Variants in MOV10L1 observed in about 807,000 individuals in gnomAD.
MOV10L1 encodes Mov10 like RNA helicase 1.
MOV10L1 carries 110 observed loss-of-function variants against 143.8 expected under a neutral mutation model. That is an observed-to-expected ratio of 0.76 (90% CI 0.66 to 0.90). The LOEUF (loss-of-function observed/expected upper bound fraction) is 0.90, where lower values mean the gene tolerates loss of function less well. MOV10L1 is among the 40% of genes least tolerant of loss of function. The pLI is 0.00. For missense variants in MOV10L1, 1,406 were observed against 1,526.8 expected, an observed-to-expected ratio of 0.92 and a Z score of 1.32; for synonymous variants, 593 against 581.1, an observed-to-expected ratio of 1.02 and a Z score of -0.29.
chr22:50,114,002 T>A (rs935447983), intron 6 of MOV10L1, among the ~76,000 whole-genome samples: 1 of 142,154 alleles, frequency 7.0e-6, no homozygotes, highest in Non-Finnish European at 1.5e-5. Flanking sequence ...CACTGCAAGC[T>A]CCGCCTCCCG....
chr22:50,145,462 T>TCAA (rs2063127414), intron 18 of MOV10L1, among the ~76,000 whole-genome samples: 1 of 152,172 alleles, frequency 6.6e-6, no homozygotes, highest in Admixed American at 6.5e-5. Flanking sequence ...ATAGAAAATG[T>TCAA]ACAAAGTTGT....
At chr22:50,138,174 G>A (rs1236984980) in intron 15 of MOV10L1, among the ~76,000 whole-genome samples, 1 of 152,118 alleles carries the variant, frequency 6.6e-6, no homozygotes, top group Non-Finnish European at 1.5e-5. Context: ...TTCTTTGCTT[G>A]TAAGATCAGG....
chr22:50,120,427 G>C (rs1033507474), intron 9 of MOV10L1, 75 bp from the exon 10 acceptor site: 1 of 918,028 alleles, frequency 1.1e-6, no homozygotes, highest in African/African-American at 1.7e-5. Context: ...AATAGGAAAG[G>C]ATGTTTAGGT....
At chr22:50,156,718 GC>G (rs1271723082) in intron 22 of MOV10L1, among the ~76,000 whole-genome samples, 1 of 152,176 alleles carries the variant, frequency 6.6e-6, no homozygotes, top group East Asian at 1.9e-4. Context: ...CCTTTTGGGG[GC>G]TGAGTAGCAT....
In MOV10L1 at chr22:50,099,488, G is replaced by A. The variant is rs777698774; in HGVS notation, c.328G>A (p.Gly110Arg). 3.1e-6 allele frequency: 5 copies of A among 1,614,180 alleles called. No homozygotes were observed. The highest frequency in any genetic ancestry group is 1.7e-4 in the Middle Eastern group (1 of 6,058). Residue 110 changes from glycine (G) to arginine (R), a missense_variant, in exon 3 of 27, where the codon GGG becomes AGG. Around this residue, in one of 3 missense-constraint regions of MOV10L1, gnomAD observed 166 missense variants for 153.9 expected, o/e 1.08. Transcript: ENST00000262794. The stretch of plus-strand genomic sequence containing the variant: ...GTGGGAAGACGACAGCAGAAACCAT[G>A]GGAGTCCCTCAGACTGCGGCCCCCG... ...DKWEDDSRNH[G>R]SPSDCGPRVL...
At chr22:50,145,227 C>G (rs1481325297) in intron 18 of MOV10L1, among the ~76,000 whole-genome samples, 1 of 152,224 alleles carries the variant, frequency 6.6e-6, no homozygotes, top group African/African-American at 2.4e-5. Context: ...CAGGCTTTAG[C>G]CACTGTGCCC....
chr22:50,158,572 C>T lies in MOV10L1; in HGVS notation c.3216+366C>T, dbSNP rs865887928. ...TATTTGAATGGGACGCTTCTCATTT[C>T]GTATGACTCTGTGATGTGATTATAG... On this transcript the variant is annotated intron_variant, in intron 23 of 26. Transcript: ENST00000262794. The surrounding 1 kb of genome is among the most constrained non-coding windows in gnomAD (Gnocchi z 5.0). 2 of 219,358 alleles carry T rather than the reference C, an allele frequency of 9.1e-6. No individual in the cohort carries two copies. Among genetic ancestry groups the T allele is most frequent in the Non-Finnish European group, 1.8e-5 (2 of 109,924 alleles). The allele number at this position is 219,358 out of a possible 1,614,324, so 13.6% of individuals were successfully genotyped here.
Position 50,142,118 on chromosome 22 carries a change from C to G in MOV10L1, c.2108C>G (p.Thr703Arg), listed in dbSNP as rs1379306876. 1 of 1,613,072 alleles carries G rather than the reference C, an allele frequency of 6.2e-7. No individual in the cohort carries two copies. Among genetic ancestry groups the G allele is most frequent in the South Asian group, 1.1e-5 (1 of 90,980 alleles). Residue 703 changes from threonine (T) to arginine (R), a missense_variant, in exon 16 of 27, where the codon ACA (threonine) becomes AGA (arginine). Transcript: ENST00000262794. ...KTMTDQAEHG[T>R]EERRVGDKDL... ...ATGACGGACCAAGCTGAGCATGGAA[C>G]AGAGGAGAGGCGTGTTGGTGACAAG...
At chr22:50,115,278 T>G (rs766640533) in intron 8 of MOV10L1, 32 bp downstream of exon 8, 1 of 1,462,474 alleles carries the variant, frequency 6.8e-7, no homozygotes, top group East Asian at 2.7e-5. Flanking sequence ...GAGAGCCGCG[T>G]TTTTAAGTTT....
chr22:50,135,979 G>C (rs1254392094), intron 15 of MOV10L1, among the ~76,000 whole-genome samples: 2 of 152,040 alleles, frequency 1.3e-5, no homozygotes, highest in Non-Finnish European at 2.9e-5. Context: ...TGTTTTCAAT[G>C]TATAACATGA....
Position 50,159,885 on chromosome 22 carries a change from C to A in MOV10L1, c.3324+100C>A. The A allele has an allele frequency of 1.3e-6, 1 of 753,494 alleles. No homozygotes were observed. Among genetic ancestry groups the A allele is most frequent in the Non-Finnish European group, 2.2e-6 (1 of 447,860 alleles). The allele number at this position is 753,494 out of a possible 1,614,324, so 46.7% of individuals were successfully genotyped here. A position where few individuals can be genotyped will look rare whatever the true frequency, so the allele number is the denominator to read the frequency against. On this transcript the variant is annotated intron_variant, in intron 24 of 26. Coordinates refer to ENST00000262794, the MANE Select transcript of MOV10L1 (RefSeq NM_018995.3). This position sits in a 1 kb window ranked among gnomAD's most constrained non-coding sequence, Gnocchi z 4.1. Reference sequence around the variant, plus strand: ...TAAAGGGGCAGAGGCTGATTCCCAGCCCAGAGAAGCAGCTGCAGGCGGAGA... The same window carrying A: ...TAAAGGGGCAGAGGCTGATTCCCAGACCAGAGAAGCAGCTGCAGGCGGAGA...
chr22:50,143,334 G>C (rs971313471), intron 17 of MOV10L1, 113 bp downstream of exon 17: 1 of 1,167,126 alleles, frequency 8.6e-7, no homozygotes. Flanking sequence ...GAAAGAGCTT[G>C]AGAAATACCA....
chr22:50,144,692 T>C lies in MOV10L1; in HGVS notation c.2505+449T>C, dbSNP rs1426229531. On this transcript the variant is annotated intron_variant, in intron 18 of 26. Transcript: ENST00000262794. ...CGCCTCCCAGGTTCACACCATTCTC[T>C]GGCCTCAGCCTCCCAAGTAGCTGGG... Among the ~76,000 whole-genome samples, 53 of 150,986 alleles carry C rather than the reference T, an allele frequency of 3.5e-4. 1 individual carries two copies. The highest frequency in any genetic ancestry group is 7.2e-4 in the Admixed American group (11 of 15,206).
intron 22 of MOV10L1, among the ~76,000 whole-genome samples, chr22:50,153,834 C>T (rs2063358250): frequency 6.6e-6 from 1 of 151,774 alleles, no homozygotes; most frequent in South Asian, 2.1e-4. Flanking sequence ...TTGCATTAAC[C>T]CCCTGCCCCA....
At chr22:50,147,212 A>C (rs1321363667) in intron 19 of MOV10L1, 1 of 1,097,340 alleles carries the variant, frequency 9.1e-7, no homozygotes, top group Non-Finnish European at 1.3e-6. Flanking sequence ...GTGCAGAAGC[A>C]GGGAGGGTGC....
chr22:50,130,031 T>C (rs965439420), intron 13 of MOV10L1, among the ~76,000 whole-genome samples: 15 of 152,194 alleles, frequency 9.9e-5, no homozygotes, highest in African/African-American at 3.6e-4. Flanking sequence ...TCCCTAACAC[T>C]TTGGGAGGCC....
rs568013512 is a variant in MOV10L1 at position 50,159,459 on chromosome 22, G to A, written c.3217-219G>A. 5.9e-5 allele frequency among the ~76,000 whole-genome samples: 9 copies of A among 151,992 alleles called. No homozygotes were observed. The highest frequency in any genetic ancestry group is 7.4e-5 in the Non-Finnish European group (5 of 67,988). On this transcript the variant is annotated intron_variant, in intron 23 of 26. Coordinates refer to ENST00000262794, the MANE Select transcript of MOV10L1 (RefSeq NM_018995.3). This position sits in a 1 kb window ranked among gnomAD's most constrained non-coding sequence, Gnocchi z 4.1. Reference sequence around the variant, plus strand: ...TACTAAAAAATACAAAAAATTACCCGGGTGTGGTGGCATGCACCCATAATC... The same window carrying A: ...TACTAAAAAATACAAAAAATTACCCAGGTGTGGTGGCATGCACCCATAATC...
chr22:50,145,894 TGACCCAGA>T, intron 19 of MOV10L1, 84 bp downstream of exon 19: 7 of 1,575,762 alleles, frequency 4.4e-6, no homozygotes, highest in Non-Finnish European at 6.0e-6. Flanking sequence ...GAGGGGCGGA[TGACCCAGA>T]GACTCAGTGC....
In MOV10L1 at chr22:50,114,487, G is replaced by GT; in HGVS notation, c.992dup (p.Val332GlyfsTer8). The stretch of plus-strand genomic sequence containing the variant: ...GCTGGATAAAGACCAGATGTGCCCC[G>GT]TGGTATCTTTTGTTTCTGTTCCTGA... On this transcript the variant is annotated frameshift_variant, in exon 7 of 27. Transcript: ENST00000262794. LOFTEE classifies it high-confidence loss of function. 1 of 1,614,154 alleles carries GT rather than the reference G, an allele frequency of 6.2e-7. No homozygotes were observed. Among genetic ancestry groups the GT allele is most frequent in the Non-Finnish European group, 8.5e-7 (1 of 1,180,030 alleles).
Sources: allele counts gnomAD v4.1 joint callset (sites outside exome capture counted in the v4.1 genomes callset), GRCh38; gene constraint gnomAD v4.1.1; regional missense constraint gnomAD v4.1.1; non-coding constraint Gnocchi (gnomAD v3.1); transcripts MANE v1.5; gene names NCBI Gene and HGNC (gene_info 2026-07-23, HGNC 2026-07-21).